AMOTL2: variants seen among roughly 807,000 people sequenced by gnomAD.
The protein encoded by AMOTL2 is angiomotin like 2, also known as angiomotin-like protein 2.
AMOTL2 carries 33 observed loss-of-function variants against 78.4 expected under a neutral mutation model. The observed-to-expected ratio is 0.42, with a 90% CI of 0.32 to 0.56. The LOEUF is 0.56. AMOTL2 is among the 20% of genes least tolerant of loss of function. AMOTL2 has a pLI of 0.12. For missense variants in AMOTL2, 983 were observed against 1,030.1 expected, an observed-to-expected ratio of 0.95 and a Z score of 0.63; for synonymous variants, 422 against 428.8, an observed-to-expected ratio of 0.98 and a Z score of 0.20.
At chr3:134,359,980 G>A (rs2017279437) in intron 7 of AMOTL2, 126 bp downstream of exon 7, 7 of 1,071,958 alleles carry the variant, frequency 6.5e-6, no homozygotes, top group Non-Finnish European at 9.2e-6. Context: ...GTTCAGCTCA[G>A]AAGCAGGAGG....
At chr3:134,364,603 A>G (rs941277516) in intron 5 of AMOTL2, among the ~76,000 whole-genome samples, 1 of 151,588 alleles carries the variant, frequency 6.6e-6, no homozygotes, top group Non-Finnish European at 1.5e-5. Flanking sequence ...CCACCCAGCC[A>G]GAAGAGACCA....
intron 5 of AMOTL2, among the ~76,000 whole-genome samples, chr3:134,362,965 T>C (rs1049147287): frequency 1.1e-4 from 17 of 152,238 alleles, no homozygotes; most frequent in African/African-American, 3.1e-4. Flanking sequence ...AATTGTTCTA[T>C]ACGGCACCCT....
rs756461602 is a variant in AMOTL2 at position 134,360,422 on chromosome 3, C to G, written c.1576-9G>C. On this transcript the variant is annotated splice_polypyrimidine_tract_variant and intron_variant, in intron 6 of 9. Coordinates refer to ENST00000249883, the MANE Select transcript of AMOTL2 (RefSeq NM_016201.4). ...GGGGCACCTGCCTGTCTCTGCAGAG[C>G]AAGGAGTAGAGACCGTGGTCAAGGG... The G allele has an allele frequency of 8.1e-6, 13 of 1,605,784 alleles. No homozygotes were observed. The highest frequency in any genetic ancestry group is 1.0e-5 in the Non-Finnish European group (12 of 1,176,008).
intron 7 of AMOTL2, 45 bp downstream of exon 7, chr3:134,360,061 C>A: frequency 1.3e-6 from 2 of 1,565,136 alleles, no homozygotes; most frequent in South Asian, 1.2e-5. Context: ...CTGGACATTG[C>A]CACCCACCCC....
At chr3:134,374,939 A>T, upstream of AMOTL2, 2 of 1,160,406 alleles carry the variant, frequency 1.7e-6, no homozygotes, top group East Asian at 3.8e-5. Flanking sequence ...GTGTGTGTGT[A>T]CCGGGGGAGG....
intron 2 of AMOTL2, among the ~76,000 whole-genome samples, chr3:134,369,305 C>A (rs944108189): frequency 2.6e-5 from 4 of 152,226 alleles, no homozygotes; most frequent in Middle Eastern, 3.2e-3. Flanking sequence ...CTGGGCCAGG[C>A]AGACACAACT....
At position 134,359,355 on chromosome 3, in the gene AMOTL2, C is replaced by G; in HGVS notation, c.2032G>C (p.Gly678Arg). The change falls in exon 8 of 10, where the codon GGA (glycine) becomes CGA (arginine). Residue 678 changes from glycine (G) to arginine (R), a missense_variant. Gly to Arg is a moderately radical substitution (Grantham distance 125, BLOSUM62 -2). Transcript: ENST00000249883. Reference protein sequence around the residue: ...VPSVFAAAAAGTQGWQGLSSS... With the variant: ...VPSVFAAAAARTQGWQGLSSS... ...GAGAGCCCTTGCCAGCCCTGGGTTC[C>G]TGCTGCCGCAGCCGCGAAAACAGAT... 2 of 1,614,194 alleles carry G rather than the reference C, an allele frequency of 1.2e-6. No individual in the cohort carries two copies. The highest frequency in any genetic ancestry group is 1.7e-6 in the Non-Finnish European group (2 of 1,180,034).
chr3:134,358,594 G>A lies in AMOTL2; in HGVS notation c.2230C>T (p.Pro744Ser), dbSNP rs1396451057. 1.9e-6 allele frequency: 3 copies of A among 1,614,070 alleles called. No homozygotes were observed. The highest frequency in any genetic ancestry group is 2.2e-5 in the East Asian group (1 of 44,896). The part of the protein sequence containing the change: ...PPDSTSTCLP[P>S]EPDSLLGCSS... ...CACCCCAGAAGGCTGTCAGGCTCCG[G>A]TGGCAGGCAGGTGGAGGTGCTGTCT... Residue 744 changes from proline (P) to serine (S), a missense_variant, in exon 9 of 10, where the codon CCG becomes TCG. Transcript: ENST00000249883.
chr3:134,358,120 T>C (rs1215091431), intron 9 of AMOTL2, among the ~76,000 whole-genome samples: 3 of 152,038 alleles, frequency 2.0e-5, no homozygotes, highest in Admixed American at 2.0e-4. Context: ...GAAAGGGGAG[T>C]GGAAAAAGAA....
chr3:134,358,818 G>A, intron 8 of AMOTL2, 99 bp from the exon 9 acceptor site: 1 of 1,399,950 alleles, frequency 7.1e-7, no homozygotes, highest in Non-Finnish European at 9.9e-7. Context: ...TCAAGGTGGA[G>A]TGGGCTGCTC....
chr3:134,363,908 T>G (rs1227014840), intron 5 of AMOTL2, among the ~76,000 whole-genome samples: 1 of 152,180 alleles, frequency 6.6e-6, no homozygotes, highest in Non-Finnish European at 1.5e-5. Flanking sequence ...TGGTGGGGGC[T>G]GGGAGGCTTT....
upstream of AMOTL2, chr3:134,375,397 C>T: frequency 1.4e-6 from 1 of 720,824 alleles, no homozygotes; most frequent in Non-Finnish European, 2.4e-6. Flanking sequence ...AAGCAGCGTG[C>T]CCAGAGTCAC....
At chr3:134,366,112 A>C (rs562783116) in intron 4 of AMOTL2, among the ~76,000 whole-genome samples, 171 bp downstream of exon 4, 2 of 152,322 alleles carry the variant, frequency 1.3e-5, no homozygotes, top group East Asian at 3.9e-4. Flanking sequence ...GGCCCAGTAC[A>C]TAGAGACAAG....
At chr3:134,366,642 C>A in intron 3 of AMOTL2, 1 of 506,930 alleles carries the variant, frequency 2.0e-6, no homozygotes, top group Non-Finnish European at 3.5e-6. Context: ...CCATCGGCTG[C>A]CCCAAGGACC....
Position 134,358,607 on chromosome 3 carries a change from G to A in AMOTL2, c.2217C>T (p.Ser739=), listed in dbSNP as rs777918844. Residue 739 remains serine (S), a synonymous_variant, in exon 9 of 10, where the codon TCC becomes TCT. Coordinates refer to ENST00000249883, the MANE Select transcript of AMOTL2 (RefSeq NM_016201.4). ...TGTCAGGCTCCGGTGGCAGGCAGGTGGAGGTGCTGTCTGGGGGGCCCTCAG... is the reference window on the plus strand; with the variant it reads ...TGTCAGGCTCCGGTGGCAGGCAGGTAGAGGTGCTGTCTGGGGGGCCCTCAG... ...TQTEGPPDST[S]TCLPPEPDSL... 5.3e-5 allele frequency: 86 copies of A among 1,613,772 alleles called. No individual in the cohort carries two copies. The Admixed American group carries it at 1.3e-3, about 25-fold the overall frequency.
At chr3:134,375,039 C>T (rs1002942010), upstream of AMOTL2, 1 of 1,451,022 alleles carries the variant, frequency 6.9e-7, no homozygotes, top group East Asian at 2.5e-5. Flanking sequence ...GCCACAGAGC[C>T]TCTTTCCCCT....
intron 5 of AMOTL2, among the ~76,000 whole-genome samples, chr3:134,364,272 G>A (rs191206850): frequency 4.0e-5 from 6 of 151,850 alleles, no homozygotes; most frequent in Non-Finnish European, 8.8e-5. Context: ...CAGGTCACCC[G>A]CGGCTGCAAG....
chr3:134,360,814 G>A (rs146263338), intron 6 of AMOTL2, among the ~76,000 whole-genome samples: 4 of 152,328 alleles, frequency 2.6e-5, no homozygotes, highest in Admixed American at 6.5e-5. Flanking sequence ...ACAGAAGTCC[G>A]AAGTGAGGCT....
At position 134,371,411 on chromosome 3, in the gene AMOTL2, G is replaced by A. The variant is rs1266152339; in HGVS notation, c.23C>T (p.Ser8Leu). Residue 8 changes from serine to leucine, a missense_variant, in exon 2 of 10, where the codon TCG becomes TTG. By Grantham distance (145) the Ser-to-Leu change is moderately radical. Coordinates refer to ENST00000249883, the MANE Select transcript of AMOTL2 (RefSeq NM_016201.4). MRTLEDS[S>L]GTVLHRLIQE... ...GATGAGGCGGTGCAGGACTGTCCCC[G>A]AGGAGTCTTCCAGTGTCCTCATGCT... 30 of 1,604,370 alleles carry A rather than the reference G, an allele frequency of 1.9e-5. No homozygotes were observed. Among genetic ancestry groups the A allele is most frequent in the South Asian group, 2.2e-5 (2 of 91,090 alleles).
Sources: allele counts gnomAD v4.1 joint callset (sites outside exome capture counted in the v4.1 genomes callset), GRCh38; gene constraint gnomAD v4.1.1; transcripts MANE v1.5; gene names NCBI Gene and HGNC (gene_info 2026-07-23, HGNC 2026-07-21).